Variants in DAGLB observed in about 807,000 individuals in gnomAD.
DAGLB encodes the protein diacylglycerol lipase beta, also known as diacylglycerol lipase-beta.
In DAGLB, 66 loss-of-function variants were observed where a neutral mutation model predicts 72.1. The observed-to-expected ratio is 0.92, with a 90% CI of 0.75 to 1.12. The LOEUF (loss-of-function observed/expected upper bound fraction) is 1.12. Ranked by LOEUF, DAGLB falls within the 50% of genes most tolerant of loss-of-function variation. DAGLB has a pLI of 0.00. For synonymous variants in DAGLB, 414 were observed against 359.5 expected (o/e 1.15, Z -1.71); for missense variants, 1,065 against 884.9 (o/e 1.20, Z -2.58).
intron 3 of DAGLB, among the ~76,000 whole-genome samples, chr7:6,436,161 C>T (rs1282596266): frequency 1.3e-5 from 2 of 151,800 alleles, no homozygotes; most frequent in Non-Finnish European, 2.9e-5. Flanking sequence ...AAATCTACAT[C>T]AATACGTGCA....
At chr7:6,410,072 C>G (rs1242011061) in intron 14 of DAGLB, 37 bp from the exon 15 acceptor site, 1 of 1,596,644 alleles carries the variant, frequency 6.3e-7, no homozygotes, top group South Asian at 1.1e-5. Context: ...CCACGCGGCC[C>G]CAGGGCTGAC....
At chr7:6,434,126 T>C (rs1784577746) in intron 4 of DAGLB, among the ~76,000 whole-genome samples, 1 of 152,106 alleles carries the variant, frequency 6.6e-6, no homozygotes, top group African/African-American at 2.4e-5. Context: ...GAAGAGAGAC[T>C]GGCAGGTGTG....
chr7:6,410,684 T>C (rs1020459518), intron 13 of DAGLB, among the ~76,000 whole-genome samples: 2 of 152,134 alleles, frequency 1.3e-5, no homozygotes, highest in Non-Finnish European at 2.9e-5. Flanking sequence ...CCCTTAATTA[T>C]TTTCCGGCAA....
At chr7:6,429,657 C>T (rs527980875) in intron 6 of DAGLB, among the ~76,000 whole-genome samples, 1 of 152,090 alleles carries the variant, frequency 6.6e-6, no homozygotes, top group African/African-American at 2.4e-5. Flanking sequence ...AATCTCAGTA[C>T]TTTGGGAGGG....
Position 6,409,513 on chromosome 7 carries a change from G to A in DAGLB, c.*324C>T. 2.7e-6 allele frequency: 1 copy of A among 376,874 alleles called. No individual in the cohort carries two copies. The highest frequency in any genetic ancestry group is 4.9e-6 in the Non-Finnish European group (1 of 204,204). The allele number at this position is 376,874 out of a possible 1,614,324, so 23.3% of individuals were successfully genotyped here. A position where few individuals can be genotyped will look rare whatever the true frequency, so the allele number is the denominator to read the frequency against. On this transcript the variant is annotated 3_prime_UTR_variant, in exon 15 of 15. Coordinates refer to ENST00000297056, the MANE Select transcript of DAGLB (RefSeq NM_139179.4). ...GAACTGTTCACGGTCTTCTGGGTGG[G>A]CCCTGGATTCCCGCACTTCTGGAGC...
In DAGLB at chr7:6,441,344, G is replaced by A. The variant is rs1430749648; in HGVS notation, c.247+4609C>T. Among the ~76,000 whole-genome samples, 4 of 148,840 alleles carry A rather than the reference G, an allele frequency of 2.7e-5. No individual in the cohort carries two copies. The East Asian group carries it at 8.1e-4, about 30-fold the overall frequency. ...CTCACCTCATGATTCGCCCGCCTCGGCCTCCCAAAGTGCTGGGATTACAGG... is the reference window on the plus strand; with the variant it reads ...CTCACCTCATGATTCGCCCGCCTCGACCTCCCAAAGTGCTGGGATTACAGG... On this transcript the variant is annotated intron_variant, in intron 2 of 14. Transcript: ENST00000297056.
chr7:6,447,255 A>G (rs1785036725), intron 1 of DAGLB, among the ~76,000 whole-genome samples: 1 of 152,224 alleles, frequency 6.6e-6, no homozygotes, highest in Non-Finnish European at 1.5e-5. Flanking sequence ...ACAGCGTTGT[A>G]TGTTGAGCCT....
At chr7:6,424,856 C>G (rs1784252813) in intron 7 of DAGLB, 21 bp from the exon 8 acceptor site, 2 of 1,612,328 alleles carry the variant, frequency 1.2e-6, no homozygotes, top group South Asian at 2.2e-5. Flanking sequence ...AAGAAACAAG[C>G]ATGGGGCCTA....
At chr7:6,442,403 C>T (rs1254275048) in intron 2 of DAGLB, among the ~76,000 whole-genome samples, 2 of 151,698 alleles carry the variant, frequency 1.3e-5, no homozygotes, top group Admixed American at 6.6e-5. Flanking sequence ...GAGGTAAAGA[C>T]GTCCCAACAC....
intron 13 of DAGLB, among the ~76,000 whole-genome samples, chr7:6,412,393 T>C (rs1262978211): frequency 6.6e-6 from 1 of 152,158 alleles, no homozygotes; most frequent in African/African-American, 2.4e-5. Context: ...AACAAACTGT[T>C]AGTCACAAGA....
At chr7:6,421,634 G>A (rs527354169) in intron 9 of DAGLB, 93 bp downstream of exon 9, 1 of 1,279,978 alleles carries the variant, frequency 7.8e-7, no homozygotes. Context: ...GGGAGGCGCA[G>A]GCAGCGCGGG....
At chr7:6,437,931 A>G (rs1411147154) in intron 2 of DAGLB, among the ~76,000 whole-genome samples, 3 of 152,184 alleles carry the variant, frequency 2.0e-5, no homozygotes, top group Non-Finnish European at 4.4e-5. Context: ...CATGAGCCAC[A>G]GCACCCTACC....
chr7:6,428,524 T>C (rs1784383004), intron 6 of DAGLB, among the ~76,000 whole-genome samples: 1 of 151,412 alleles, frequency 6.6e-6, no homozygotes, highest in Non-Finnish European at 1.5e-5. Flanking sequence ...TCTTGCTCTG[T>C]TGCTTAGGCT....
chr7:6,424,806 C>T lies in DAGLB; in HGVS notation c.1086G>A (p.Leu362=), dbSNP rs751324659. Residue 362 remains leucine (L), a synonymous_variant, in exon 8 of 15, where the codon CTG becomes CTA. Coordinates refer to ENST00000297056, the MANE Select transcript of DAGLB (RefSeq NM_139179.4). ...KVYELPFLVA[L]DHRKESVVVA... is the part of the protein sequence containing the mutation. The stretch of plus-strand genomic sequence containing the variant: ...CCACAACAGACTCTTTCCTGTGATC[C>T]AGAGCCACTAAAAACGGCAGCTCGT... 2 of 1,613,808 alleles carry T rather than the reference C, an allele frequency of 1.2e-6. No individual in the cohort carries two copies. The highest frequency in any genetic ancestry group is 2.2e-5 in the East Asian group (1 of 44,874).
chr7:6,428,664 T>C (rs1224060902), intron 6 of DAGLB, among the ~76,000 whole-genome samples: 1 of 151,990 alleles, frequency 6.6e-6, no homozygotes, highest in Non-Finnish European at 1.5e-5. Context: ...TTTCTGTATT[T>C]TTAGTAGAGA....
chr7:6,431,298 C>G (rs2115274909), intron 5 of DAGLB, among the ~76,000 whole-genome samples: 2 of 152,146 alleles, frequency 1.3e-5, no homozygotes, highest in Middle Eastern at 6.8e-3. Flanking sequence ...TTTTCTTTCT[C>G]AAAAACATAA....
chr7:6,443,838 T>C (rs1177459338), intron 2 of DAGLB, among the ~76,000 whole-genome samples: 1 of 152,164 alleles, frequency 6.6e-6, no homozygotes, highest in Admixed American at 6.6e-5. Flanking sequence ...TAAGAATGCA[T>C]TCCTTTATTA....
At position 6,416,717 on chromosome 7, in the gene DAGLB, C is replaced by A. The variant is rs747489985; in HGVS notation, c.1337G>T (p.Gly446Val). ...GGTGGCCAGCAGGGCGGCCGCCCCGCCCCCGAGGCTGTGGCCCACTATGAC... is the reference window on the plus strand; with the variant it reads ...GGTGGCCAGCAGGGCGGCCGCCCCGACCCCGAGGCTGTGGCCCACTATGAC... ...RLVIVGHSLG[G>V]GAAALLATML... The change falls in exon 11 of 15, where the codon GGC becomes GTC. Residue 446 changes from glycine (G) to valine (V), a missense_variant. Physicochemically the swap from Gly to Val is moderately radical, Grantham distance 109 (BLOSUM62 -3). Transcript: ENST00000297056. 2 of 1,613,208 alleles carry A rather than the reference C, an allele frequency of 1.2e-6. No homozygotes were observed. Among genetic ancestry groups the A allele is most frequent in the Non-Finnish European group, 1.7e-6 (2 of 1,179,520 alleles).
At chr7:6,447,648 A>C in intron 1 of DAGLB, 100 bp downstream of exon 1, 1 of 1,459,890 alleles carries the variant, frequency 6.8e-7, no homozygotes, top group Non-Finnish European at 9.1e-7. Context: ...TGGGACCGCG[A>C]CAGTGCTTGG....
Sources: gnomAD v4.1 joint callset for allele counts (sites outside exome capture counted in the v4.1 genomes callset) on GRCh38, gnomAD v4.1.1 for gene constraint, MANE v1.5 for transcripts, NCBI Gene and HGNC (gene_info 2026-07-23, HGNC 2026-07-21) for gene names.